Variants in PLCH1 observed in about 807,000 individuals in gnomAD.
PLCH1 encodes phospholipase C eta 1.
In PLCH1, 60 loss-of-function variants were observed where a neutral mutation model predicts 126.7. The ratio of observed to expected loss-of-function variants is 0.47; its 90% CI spans 0.38 to 0.59. The LOEUF is 0.59. Ranked by LOEUF, PLCH1 falls within the 20% of genes least tolerant of loss-of-function variation. The pLI, the probability that PLCH1 is intolerant of heterozygous loss-of-function variation, is 0.00. For missense variants in PLCH1, 1,723 were observed against 2,040.0 expected (o/e 0.84, Z 2.99); for synonymous variants, 719 against 734.9 (o/e 0.98, Z 0.35).
intron 2 of PLCH1, among the ~76,000 whole-genome samples, chr3:155,697,822 C>G (rs1252901185): frequency 6.6e-6 from 1 of 152,106 alleles, no homozygotes; most frequent in African/African-American, 2.4e-5. Context: ...CAGAGGGAGC[C>G]AGGATAAAAC....
intron 1 of PLCH1, among the ~76,000 whole-genome samples, chr3:155,716,935 C>A (rs1359521577): frequency 2.0e-5 from 3 of 152,234 alleles, no homozygotes; most frequent in Non-Finnish European, 2.9e-5. Context: ...GTTCCTTCCA[C>A]CTATGAGCCT....
In PLCH1 at chr3:155,681,932, T is replaced by C. The variant is rs1304085413; in HGVS notation, c.79+22214A>G. 2.0e-5 allele frequency among the ~76,000 whole-genome samples: 3 copies of C among 152,208 alleles called. No homozygotes were observed. In the East Asian group the frequency reaches 5.8e-4, roughly 29 times the overall value. The stretch of plus-strand genomic sequence containing the variant: ...AGTCTTAAGCTGTTCCAGAGTACTC[T>C]GGAGACAATGGGCACTAATCTTTCA... On this transcript the variant is annotated intron_variant, in intron 2 of 22. Transcript: ENST00000460012.
At chr3:155,561,704 G>A (rs1157404258) in intron 8 of PLCH1, among the ~76,000 whole-genome samples, 2 of 151,962 alleles carry the variant, frequency 1.3e-5, no homozygotes, top group South Asian at 4.2e-4. Flanking sequence ...CTGAGGAATC[G>A]CCACACTGAC....
At chr3:155,618,241 T>C (rs1736027243) in intron 2 of PLCH1, among the ~76,000 whole-genome samples, 1 of 152,218 alleles carries the variant, frequency 6.6e-6, no homozygotes, top group Non-Finnish European at 1.5e-5. Context: ...TAATATGTAT[T>C]ATTTTCTACA....
At position 155,455,669 on chromosome 3, in the gene PLCH1, T is replaced by C. The variant is rs183807190; in HGVS notation, c.2938+29687A>G. Among the ~76,000 whole-genome samples the C allele has an allele frequency of 4.1e-3, 623 of 152,280 alleles. 6 individuals carry two copies. Among genetic ancestry groups the C allele is most frequent in the African/African-American group, 0.013 (558 of 41,564 alleles). ...AAGCATACAGAAGCCAGGGAGGTAA[T>C]GGATTATAACTGAGTAAAACAGGCA... is the stretch of plus-strand genomic sequence containing the variant. On this transcript the variant is annotated intron_variant, in intron 21 of 21. Coordinates refer to the PLCH1 transcript ENST00000494598.
At chr3:155,566,575 G>A (rs1728570418) in intron 7 of PLCH1, among the ~76,000 whole-genome samples, 1 of 151,794 alleles carries the variant, frequency 6.6e-6, no homozygotes, top group Non-Finnish European at 1.5e-5. Context: ...TAAAGTCAGT[G>A]CCATAGTTAA....
chr3:155,456,980 T>C (rs1046269268), intron 21 of PLCH1: 1 of 152,418 alleles, frequency 6.6e-6, no homozygotes, highest in Non-Finnish European at 1.5e-5. Flanking sequence ...CAATCCAAAA[T>C]ATTTAGACTT....
At chr3:155,491,875 A>G (rs1184770424) in intron 18 of PLCH1, among the ~76,000 whole-genome samples, 1 of 152,040 alleles carries the variant, frequency 6.6e-6, no homozygotes, top group Non-Finnish European at 1.5e-5. Context: ...TTTAATTCCC[A>G]TCCTCTCCTC....
rs570662893 is a variant in PLCH1, at chr3:155,612,921, A to AG, written c.80-16544_80-16543insC. 4.1e-3 allele frequency among the ~76,000 whole-genome samples: 614 copies of AG among 151,506 alleles called. 2 individuals carry two copies. The highest frequency in any genetic ancestry group is 6.5e-3 in the Admixed American group (99 of 15,214). On this transcript the variant is annotated intron_variant, in intron 2 of 22. Transcript: ENST00000460012. ...GAAACTGTGTATTAAAAAAAAAAAA[A>AG]AAAAGAAAAGATCCAAATAAGCTCA...
At chr3:155,716,937 T>A (rs908021752) in intron 1 of PLCH1, among the ~76,000 whole-genome samples, 27 of 152,190 alleles carry the variant, frequency 1.8e-4, no homozygotes, top group African/African-American at 6.5e-4. Flanking sequence ...TCCTTCCACC[T>A]ATGAGCCTGT....
At chr3:155,663,363 G>T (rs79601172) in intron 2 of PLCH1, among the ~76,000 whole-genome samples, 5,759 of 152,208 alleles carry the variant, frequency 0.038, 150 homozygotes, top group East Asian at 0.083. Flanking sequence ...TTAGATTTGG[G>T]TAACTAAGAA....
At chr3:155,599,834 T>C (rs1733489728) in intron 2 of PLCH1, among the ~76,000 whole-genome samples, 1 of 152,202 alleles carries the variant, frequency 6.6e-6, no homozygotes, top group Non-Finnish European at 1.5e-5. Context: ...ATCCCTTTCT[T>C]TCCTTTCTCA....
intron 1 of PLCH1, among the ~76,000 whole-genome samples, chr3:155,729,897 C>T (rs1026444071): frequency 1.4e-5 from 2 of 140,488 alleles, no homozygotes; most frequent in Admixed American, 7.6e-5. Flanking sequence ...TGTACTCCCG[C>T]GTGGGTGACA....
rs201440268 is a variant in PLCH1, at chr3:155,711,961, G to A, written c.-40-7697C>T. ...ACCCAGAGAAATGGAAACAAACCAA[G>A]TCGTGGTAATATCATTTGCCACACC... On this transcript the variant is annotated intron_variant, in intron 1 of 22. Transcript: ENST00000460012. Among the ~76,000 whole-genome samples, 13 of 152,328 alleles carry A rather than the reference G, an allele frequency of 8.5e-5. No individual in the cohort carries two copies. The East Asian group carries it at 1.2e-3, about 14-fold the overall frequency.
chr3:155,496,459 A>G (rs1717048809), intron 15 of PLCH1, among the ~76,000 whole-genome samples: 1 of 152,136 alleles, frequency 6.6e-6, no homozygotes, highest in Admixed American at 6.6e-5. Flanking sequence ...GAAGGAATCA[A>G]GGCCAAAGGG....
chr3:155,579,633 A>C (rs1009724232), intron 6 of PLCH1, among the ~76,000 whole-genome samples: 7 of 152,240 alleles, frequency 4.6e-5, no homozygotes, highest in African/African-American at 1.7e-4. Flanking sequence ...GAAACACATT[A>C]TCAGAAAACA....
intron 3 of PLCH1, among the ~76,000 whole-genome samples, chr3:155,594,720 C>T (rs1732730787): frequency 1.3e-5 from 2 of 152,026 alleles, no homozygotes; most frequent in African/African-American, 4.8e-5. Flanking sequence ...TGACAACATT[C>T]TCCTAAGGCA....
rs575826688 is a variant in PLCH1, at chr3:155,470,203, A to G, written c.2938+15153T>C. On this transcript the variant is annotated intron_variant, in intron 21 of 21. Coordinates refer to the PLCH1 transcript ENST00000494598. ...AAAAAATTTAGAAGAATGTATAACT[A>G]GAATAACCAATACAGAGAAGTGCTT... 8.8e-3 allele frequency among the ~76,000 whole-genome samples: 1,330 copies of G among 151,970 alleles called. 21 individuals carry two copies. The highest frequency in any genetic ancestry group is 0.031 in the African/African-American group (1,275 of 41,524).
chr3:155,605,075 G>A (rs1484846245), intron 2 of PLCH1, among the ~76,000 whole-genome samples: 2 of 152,154 alleles, frequency 1.3e-5, no homozygotes, highest in African/African-American at 4.8e-5. Context: ...CTTTGCTTTG[G>A]GTCCCTGAAA....
Sources: allele counts gnomAD v4.1 joint callset (sites outside exome capture counted in the v4.1 genomes callset), GRCh38; gene constraint gnomAD v4.1.1; transcripts MANE v1.5; gene names NCBI Gene and HGNC (gene_info 2026-07-23, HGNC 2026-07-21).